Variants in DACT2 observed in about 807,000 individuals in gnomAD.
The protein encoded by DACT2 is dapper homolog 2.
Under a neutral mutation model 22.2 loss-of-function variants are expected in DACT2, and 20 were observed. The ratio of observed to expected loss-of-function variants is 0.90; its 90% CI spans 0.63 to 1.31. The LOEUF (loss-of-function observed/expected upper bound fraction) is 1.31, where lower values mean the gene tolerates loss of function less well. Ranked by LOEUF, DACT2 falls within the 50% of genes most tolerant of loss-of-function variation. DACT2 has a pLI of 0.00. For synonymous variants in DACT2, 463 were observed against 479.8 expected, an observed-to-expected ratio of 0.96 and a Z score of 0.46; for missense variants, 1,048 against 1,061.4, an observed-to-expected ratio of 0.99 and a Z score of 0.18.
At chr6:168,294,223 T>A (rs1204440423) in intron 4 of DACT2, 2 of 702,812 alleles carry the variant, frequency 2.8e-6, no homozygotes, top group Admixed American at 4.0e-5. Context: ...GGCAATGCCA[T>A]CCTGAGAAAC....
At chr6:168,315,806 T>C (rs918450190) in intron 1 of DACT2, among the ~76,000 whole-genome samples, 1 of 152,168 alleles carries the variant, frequency 6.6e-6, no homozygotes, top group African/African-American at 2.4e-5. Flanking sequence ...TGATGACCAA[T>C]GGACAGGTGA....
chr6:168,298,039 T>C (rs1779037938), intron 3 of DACT2: 1 of 152,220 alleles, frequency 6.6e-6, no homozygotes, highest in South Asian at 2.1e-4. Context: ...TTGTCACATA[T>C]CCTGATGTAA....
chr6:168,302,313 G>A (rs781029047), downstream of DACT2, among the ~76,000 whole-genome samples: 2 of 152,010 alleles, frequency 1.3e-5, no homozygotes, highest in African/African-American at 4.8e-5. Context: ...ATGCAATGCT[G>A]TCCCCAAATG....
exon 6 of DACT2, chr6:168,293,795 C>T (rs909925088): frequency 1.6e-5 from 11 of 695,512 alleles, no homozygotes; most frequent in African/African-American, 8.8e-5. Flanking sequence ...AGAGGGGGGC[C>T]GATGATATCG....
rs183650899 is a variant in DACT2, at chr6:168,307,972, C to T, written c.1785G>A (p.Ala595=). The change falls in exon 4 of 4, where the codon GCG becomes GCA. Residue 595 remains alanine, a synonymous_variant. Transcript: ENST00000366795. The surrounding 1 kb of genome is among the most constrained non-coding windows in gnomAD (Gnocchi z 5.3). ...TCCTGGCCACTGAGGTGAGCAGTGA[C>T]GCCTCAAAGGGGAACAGGGCTTGGG... The part of the protein sequence containing the change: ...TSAQALFPFE[A]SLLTSVARRK... 3.6e-3 allele frequency: 5,643 copies of T among 1,551,042 alleles called. 16 individuals carry two copies. Among genetic ancestry groups the T allele is most frequent in the Middle Eastern group, 0.012 (74 of 5,952 alleles).
chr6:168,310,774 T>C (rs1332860248), intron 2 of DACT2, among the ~76,000 whole-genome samples: 1 of 152,124 alleles, frequency 6.6e-6, no homozygotes, highest in Non-Finnish European at 1.5e-5. Flanking sequence ...TTCCTCTGGA[T>C]TTCAGCCCTT....
At chr6:168,303,845 A>T (rs1583292672), downstream of DACT2, among the ~76,000 whole-genome samples, 1 of 152,310 alleles carries the variant, frequency 6.6e-6, no homozygotes, top group Non-Finnish European at 1.5e-5. Flanking sequence ...TTTCCCTAAT[A>T]TTATAATTAA....
downstream of DACT2, among the ~76,000 whole-genome samples, chr6:168,302,360 C>A (rs1779126525): frequency 1.3e-5 from 2 of 151,844 alleles, no homozygotes; most frequent in African/African-American, 2.4e-5. Flanking sequence ...CTTCTCTTAG[C>A]CATATTTTTG....
chr6:168,305,764 C>T (rs966159215), downstream of DACT2, among the ~76,000 whole-genome samples: 1 of 152,202 alleles, frequency 6.6e-6, no homozygotes, highest in South Asian at 2.1e-4. Context: ...ATAAAATACC[C>T]TGTGAATTAA....
chr6:168,294,583 A>T, intron 4 of DACT2: 1 of 269,556 alleles, frequency 3.7e-6, no homozygotes, highest in Non-Finnish European at 6.0e-6. Context: ...GTGTGTATAT[A>T]TATATATATA....
At chr6:168,309,296 C>T (rs1475591689) in intron 3 of DACT2, among the ~76,000 whole-genome samples, 198 bp from the exon 4 acceptor site, 1 of 151,240 alleles carries the variant, frequency 6.6e-6, no homozygotes, top group East Asian at 2.0e-4. Context: ...GACGGGAATG[C>T]GTTTAAGACA....
intron 1 of DACT2, among the ~76,000 whole-genome samples, chr6:168,312,614 G>A (rs1347887200): frequency 2.6e-5 from 4 of 152,194 alleles, no homozygotes; most frequent in Admixed American, 1.3e-4. Context: ...ACATGTGTGC[G>A]TGTGTGTGCG....
intron 1 of DACT2, among the ~76,000 whole-genome samples, chr6:168,315,721 G>A (rs1023612565): frequency 2.6e-5 from 4 of 152,138 alleles, no homozygotes; most frequent in East Asian, 1.9e-4. Context: ...GGTAACAATC[G>A]TTCTCACCTG....
At chr6:168,309,537 G>C (rs1007607219) in intron 3 of DACT2, among the ~76,000 whole-genome samples, 1 of 152,018 alleles carries the variant, frequency 6.6e-6, no homozygotes, top group Non-Finnish European at 1.5e-5. Flanking sequence ...AGAGTGCATG[G>C]GCAGGGAGAA....
chr6:168,294,755 A>G, intron 3 of DACT2: 2 of 910,552 alleles, frequency 2.2e-6, no homozygotes, highest in Non-Finnish European at 3.0e-6. Context: ...ACACACCTGC[A>G]GCTTCAACGA....
At chr6:168,294,423 C>T (rs1778964486) in intron 4 of DACT2, among the ~76,000 whole-genome samples, 1 of 151,656 alleles carries the variant, frequency 6.6e-6, no homozygotes, top group Admixed American at 6.6e-5. Flanking sequence ...TGGAGCATTG[C>T]ACGGCTCTGC....
chr6:168,311,090 C>T, intron 2 of DACT2, 62 bp downstream of exon 2: 1 of 1,457,348 alleles, frequency 6.9e-7, no homozygotes, highest in Non-Finnish European at 9.1e-7. Context: ...GCGGGATAGG[C>T]TTCACCTCTG....
rs1779234232 is a variant in DACT2, at chr6:168,307,341, C to T, written c.*91G>A. Reference sequence around the variant, plus strand: ...GGCCTCGGAAGATAAAGCGACTTGGCAAGACGACACTGAAACCCAGACATG... The same window carrying T: ...GGCCTCGGAAGATAAAGCGACTTGGTAAGACGACACTGAAACCCAGACATG... On this transcript the variant is annotated 3_prime_UTR_variant, in exon 4 of 4. Transcript: ENST00000366795. This position sits in a 1 kb window ranked among gnomAD's most constrained non-coding sequence, Gnocchi z 5.3. 6 of 1,503,590 alleles carry T rather than the reference C, an allele frequency of 4.0e-6. No homozygotes were observed. Among genetic ancestry groups the T allele is most frequent in the Non-Finnish European group, 4.4e-6 (5 of 1,126,444 alleles). The allele number at this position is 1,503,590 out of a possible 1,614,324, so 93.1% of individuals were successfully genotyped here. A position where few individuals can be genotyped will look rare whatever the true frequency, so the allele number is the denominator to read the frequency against.
In DACT2 at chr6:168,308,953, G is replaced by A. The variant is rs184039901; in HGVS notation, c.804C>T (p.Gly268=). 293 of 1,549,566 alleles carry A rather than the reference G, an allele frequency of 1.9e-4. 2 individuals are homozygous for A. In the African/African-American group the frequency reaches 3.3e-3, roughly 17 times the overall value. ...TGGGGTACGGGTACACCTCCCTGCC[G>A]CCCTGGGACACCAGGTCCTGCCGAT... ...PKYRQDLVSQ[G]GREVYPYPSP... Residue 268 remains glycine (G), a synonymous_variant, in exon 4 of 4, where the codon GGC becomes GGT. Coordinates refer to ENST00000366795, the MANE Select transcript of DACT2 (RefSeq NM_214462.5).
Sources: gnomAD v4.1 joint callset for allele counts (sites outside exome capture counted in the v4.1 genomes callset) on GRCh38, gnomAD v4.1.1 for gene constraint, Gnocchi (gnomAD v3.1) non-coding constraint, MANE v1.5 for transcripts, NCBI Gene and HGNC (gene_info 2026-07-23, HGNC 2026-07-21) for gene names.